Variants in CDADC1 observed in about 807,000 individuals in gnomAD.
The protein encoded by CDADC1 is cytidine and dCMP deaminase domain containing 1, also known as dCTP deaminase.
A neutral mutation model predicts 54.9 loss-of-function variants in CDADC1; 39 were observed. That is an observed-to-expected ratio of 0.71 (90% CI 0.55 to 0.93). CDADC1 has a LOEUF of 0.93. CDADC1 is among the 40% of genes least tolerant of loss of function. The pLI is 0.00. For missense variants in CDADC1, 518 were observed against 618.8 expected (o/e 0.84, Z 1.73); for synonymous variants, 186 against 204.0 (o/e 0.91, Z 0.75).
chr13:49,280,195 TTCTC>T (rs1041514333), intron 7 of CDADC1, among the ~76,000 whole-genome samples: 1 of 152,220 alleles, frequency 6.6e-6, no homozygotes. Flanking sequence ...TGGGGGTTTT[TTCTC>T]TCTTTCTTTG....
intron 9 of CDADC1, among the ~76,000 whole-genome samples, chr13:49,288,150 A>G (rs577636670): frequency 1.1e-4 from 17 of 152,328 alleles, no homozygotes; most frequent in African/African-American, 3.8e-4. Flanking sequence ...AGGAGGGGAC[A>G]AAAGGAAGGC....
chr13:49,292,453 A>T lies in CDADC1; in HGVS notation c.*696A>T. 9.9e-7 allele frequency: 1 copy of T among 1,011,806 alleles called. No individual in the cohort carries two copies. The highest frequency in any genetic ancestry group is 1.2e-6 in the Non-Finnish European group (1 of 845,854). The allele number at this position is 1,011,806 out of a possible 1,614,324, so 62.7% of individuals were successfully genotyped here. On this transcript the variant is annotated 3_prime_UTR_variant, in exon 10 of 10. Coordinates refer to ENST00000251108, the MANE Select transcript of CDADC1 (RefSeq NM_030911.4). ...TGAAATCACTAACAGTGAACCTCAA[A>T]TTTGGTTATGATGTTAACAGAGAAG...
intron 5 of CDADC1, among the ~76,000 whole-genome samples, chr13:49,270,646 A>G (rs572171745): frequency 6.6e-6 from 1 of 152,364 alleles, no homozygotes; most frequent in Admixed American, 6.5e-5. Flanking sequence ...ACTAAGAATA[A>G]TTGAGGGCTA....
intron 2 of CDADC1, among the ~76,000 whole-genome samples, chr13:49,250,322 C>A (rs568103158): frequency 6.6e-6 from 1 of 152,208 alleles, no homozygotes; most frequent in South Asian, 2.1e-4. Context: ...ACTGGAGACA[C>A]AAAGCAGAAA....
intron 5 of CDADC1, 93 bp downstream of exon 5, chr13:49,268,152 A>G (rs990794382): frequency 4.9e-6 from 5 of 1,011,608 alleles, no homozygotes; most frequent in Non-Finnish European, 7.3e-6. Flanking sequence ...TCATTTACTC[A>G]TAGTTACTTA....
chr13:49,267,075 G>A (rs1952832979), intron 4 of CDADC1, among the ~76,000 whole-genome samples: 1 of 152,112 alleles, frequency 6.6e-6, no homozygotes, highest in Non-Finnish European at 1.5e-5. Flanking sequence ...AAATATTTTA[G>A]ACTTTGCAGG....
At chr13:49,279,309 A>C (rs1211960862) in intron 7 of CDADC1, among the ~76,000 whole-genome samples, 9 of 152,178 alleles carry the variant, frequency 5.9e-5, no homozygotes, top group Non-Finnish European at 1.5e-5. Flanking sequence ...TGGAGCTGCT[A>C]TGGACAAATG....
intron 9 of CDADC1, among the ~76,000 whole-genome samples, chr13:49,286,762 T>C (rs1246589279): frequency 6.6e-6 from 1 of 152,242 alleles, no homozygotes; most frequent in Non-Finnish European, 1.5e-5. Context: ...GCTACCATAA[T>C]GAATTACTAG....
chr13:49,256,067 C>T (rs1348219765), intron 3 of CDADC1, among the ~76,000 whole-genome samples, 154 bp downstream of exon 3: 1 of 49,106 alleles, frequency 2.0e-5, no homozygotes, highest in Admixed American at 3.2e-4. Context: ...CTATATGTCA[C>T]TCCTTTTTTT....
intron 4 of CDADC1, among the ~76,000 whole-genome samples, chr13:49,262,487 A>G (rs1952710153): frequency 6.6e-6 from 1 of 152,100 alleles, no homozygotes; most frequent in Non-Finnish European, 1.5e-5. Context: ...TACTAATGGT[A>G]CCAAAACAAT....
intron 9 of CDADC1, among the ~76,000 whole-genome samples, chr13:49,291,170 G>GTTTTT (rs11428391): frequency 4.2e-5 from 6 of 142,170 alleles, no homozygotes; most frequent in African/African-American, 1.6e-4. Flanking sequence ...TCAGTTTTTG[G>GTTTTT]TTTTTTTTTT....
At position 49,286,810 on chromosome 13, in the gene CDADC1, T is replaced by A. The variant is rs183144923; in HGVS notation, c.1471+528T>A. On this transcript the variant is annotated intron_variant, in intron 9 of 9. Coordinates refer to ENST00000251108, the MANE Select transcript of CDADC1 (RefSeq NM_030911.4). ...TATTATTCGTATACTACTACAGATA[T>A]TTTGAATGTAATATAATCTTTGAGA... Among the ~76,000 whole-genome samples, 69 of 152,344 alleles carry A rather than the reference T, an allele frequency of 4.5e-4. No homozygotes were observed. In the East Asian group the frequency reaches 0.013, roughly 28 times the overall value.
intron 8 of CDADC1, among the ~76,000 whole-genome samples, chr13:49,285,429 C>G (rs892679313): frequency 2.0e-5 from 3 of 152,132 alleles, no homozygotes; most frequent in African/African-American, 7.2e-5. Flanking sequence ...CCCACCTCAG[C>G]CTCCCAAAGT....
chr13:49,283,246 G>T (rs1220615337), intron 8 of CDADC1, among the ~76,000 whole-genome samples: 2 of 152,008 alleles, frequency 1.3e-5, no homozygotes, highest in African/African-American at 2.4e-5. Flanking sequence ...TGTCTGTCAT[G>T]TGTATATGAA....
chr13:49,257,029 G>A (rs1304300322), intron 3 of CDADC1, among the ~76,000 whole-genome samples: 1 of 152,162 alleles, frequency 6.6e-6, no homozygotes, highest in African/African-American at 2.4e-5. Context: ...CAAATTCAGA[G>A]CAGCGATTCA....
rs1952919646 is a variant in CDADC1 at position 49,269,880 on chromosome 13, T to A, written c.1000+1821T>A. 3.9e-5 allele frequency among the ~76,000 whole-genome samples: 6 copies of A among 152,256 alleles called. No individual in the cohort carries two copies. The South Asian group carries it at 1.0e-3, about 26-fold the overall frequency. On this transcript the variant is annotated intron_variant, in intron 5 of 9. Coordinates refer to ENST00000251108, the MANE Select transcript of CDADC1 (RefSeq NM_030911.4). ...TTGTTTATTAGATACTCTACACTACTGTATAGTTATAAGTATATCCACTAT... is the reference window on the plus strand; with the variant it reads ...TTGTTTATTAGATACTCTACACTACAGTATAGTTATAAGTATATCCACTAT...
chr13:49,279,586 C>T (rs925727578), intron 7 of CDADC1, among the ~76,000 whole-genome samples: 2 of 152,154 alleles, frequency 1.3e-5, no homozygotes, highest in Non-Finnish European at 2.9e-5. Context: ...ATTTGGTAGG[C>T]AGCGGGGAAA....
chr13:49,256,114 C>T (rs1159607320), intron 3 of CDADC1, among the ~76,000 whole-genome samples: 6 of 147,652 alleles, frequency 4.1e-5, no homozygotes, highest in African/African-American at 1.5e-4. Context: ...TTCTATGCTA[C>T]ATCCTACATC....
At chr13:49,279,378 A>G (rs1953247729) in intron 7 of CDADC1, among the ~76,000 whole-genome samples, 1 of 152,170 alleles carries the variant, frequency 6.6e-6, no homozygotes, top group Non-Finnish European at 1.5e-5. Context: ...GCTTTAAAGG[A>G]TTCCTAGACT....
Sources: allele counts gnomAD v4.1 joint callset (sites outside exome capture counted in the v4.1 genomes callset), GRCh38; gene constraint gnomAD v4.1.1; transcripts MANE v1.5; gene names NCBI Gene and HGNC (gene_info 2026-07-23, HGNC 2026-07-21).